The following GC variants were observed in gnomAD, a reference collection of about 807,000 sequenced individuals.
The protein encoded by GC is GC vitamin D binding protein.
A neutral mutation model predicts 56.7 loss-of-function variants in GC; 43 were observed. The observed-to-expected ratio is 0.76, with a 90% CI of 0.59 to 0.98. The LOEUF (loss-of-function observed/expected upper bound fraction) is 0.98, where lower values mean the gene tolerates loss of function less well. Among genes scored for constraint, GC ranks in the 50% least tolerant of loss-of-function variants. The pLI is 0.00. For synonymous variants in GC, 216 were observed against 202.7 expected, an observed-to-expected ratio of 1.07 and a Z score of -0.56; for missense variants, 529 against 545.9, an observed-to-expected ratio of 0.97 and a Z score of 0.31.
chr4:71,794,927 T>C (rs1320171804), intron 1 of GC, among the ~76,000 whole-genome samples: 2 of 152,202 alleles, frequency 1.3e-5, no homozygotes, highest in Non-Finnish European at 2.9e-5. Context: ...CCAGTAGTCA[T>C]TCAGGAGCAG....
At chr4:71,805,270 G>C (rs1463561474), upstream of GC, among the ~76,000 whole-genome samples, 2 of 152,166 alleles carry the variant, frequency 1.3e-5, no homozygotes, top group African/African-American at 4.8e-5. Flanking sequence ...TGAAACCCTA[G>C]CTTGAAAATT....
upstream of GC, chr4:71,784,143 C>A: frequency 7.2e-7 from 1 of 1,392,944 alleles, no homozygotes; most frequent in Non-Finnish European, 9.4e-7. Flanking sequence ...AATTATTAAT[C>A]TCAGAAGCAA....
At chr4:71,747,114 G>A (rs539928602) in intron 11 of GC, among the ~76,000 whole-genome samples, 4 of 152,234 alleles carry the variant, frequency 2.6e-5, no homozygotes, top group East Asian at 1.9e-4. Flanking sequence ...AATTTTCATC[G>A]TGGGGCAATG....
At chr4:71,756,966 T>C (rs780781211) in intron 7 of GC, 52 bp from the exon 8 acceptor site, 4 of 1,229,402 alleles carry the variant, frequency 3.3e-6, no homozygotes, top group Middle Eastern at 2.1e-4. Flanking sequence ...ATAGTCTAAT[T>C]AAAAATAAGA....
At chr4:71,746,041 TTTG>T in intron 12 of GC, 107 bp downstream of exon 12, 1 of 629,500 alleles carries the variant, frequency 1.6e-6, no homozygotes. Flanking sequence ...GTAAAATGAG[TTTG>T]AACAGATAAG....
At position 71,741,849 on chromosome 4, in the gene GC, C is replaced by T; in HGVS notation, c.*47G>A. 1 of 702,936 alleles carries T rather than the reference C, an allele frequency of 1.4e-6. No individual in the cohort carries two copies. The allele number at this position is 702,936 out of a possible 1,614,324, so 43.5% of individuals were successfully genotyped here. On this transcript the variant is annotated 3_prime_UTR_variant, in exon 13 of 13. Coordinates refer to ENST00000273951, the MANE Select transcript of GC (RefSeq NM_000583.4). ...AGGTTAGGTCATCAGAGATCATTCCCCTGGGTGGCTCCAACTCTGGTCTAT... is the reference window on the plus strand; with the variant it reads ...AGGTTAGGTCATCAGAGATCATTCCTCTGGGTGGCTCCAACTCTGGTCTAT...
chr4:71,804,116 G>A (rs965411799), upstream of GC: 1 of 643,028 alleles, frequency 1.6e-6, no homozygotes. Flanking sequence ...TATATGCCAG[G>A]TCTGTCCCAC....
intron 1 of GC, among the ~76,000 whole-genome samples, chr4:71,782,501 C>G (rs1306758936): frequency 6.6e-6 from 1 of 151,776 alleles, no homozygotes; most frequent in Non-Finnish European, 1.5e-5. Flanking sequence ...AAGTTTAGAT[C>G]TTCTAGGGGA....
chr4:71,799,661 A>G (rs1743201713), intron 1 of GC, among the ~76,000 whole-genome samples: 1 of 152,180 alleles, frequency 6.6e-6, no homozygotes, highest in Non-Finnish European at 1.5e-5. Context: ...CTACCAGCAG[A>G]CAACACCAGA....
chr4:71,763,644 CT>C (rs1742058650), intron 5 of GC, 142 bp from the exon 6 acceptor site: 1 of 763,784 alleles, frequency 1.3e-6, no homozygotes, highest in Admixed American at 2.4e-5. Flanking sequence ...ATTGATATTA[CT>C]TTTCCAGAGG....
intron 10 of GC, 72 bp downstream of exon 10, chr4:71,754,339 T>C (rs1321682691): frequency 1.4e-5 from 10 of 730,176 alleles, no homozygotes; most frequent in Non-Finnish European, 2.4e-6. Context: ...TGTTCAACTA[T>C]GCTTTCAATT....
chr4:71,774,871 C>T (rs1376888861), intron 1 of GC, among the ~76,000 whole-genome samples: 1 of 151,768 alleles, frequency 6.6e-6, no homozygotes, highest in Non-Finnish European at 1.5e-5. Context: ...TTTTTGAGTA[C>T]ATTTTGTCCA....
chr4:71,805,300 CA>C (rs1343805513), upstream of GC, among the ~76,000 whole-genome samples: 2 of 152,162 alleles, frequency 1.3e-5, no homozygotes, highest in Non-Finnish European at 2.9e-5. Flanking sequence ...TTGGAAATCC[CA>C]AGCAGGCACC....
intron 12 of GC, among the ~76,000 whole-genome samples, chr4:71,742,202 C>A (rs746183309): frequency 6.6e-6 from 1 of 152,028 alleles, no homozygotes; most frequent in African/African-American, 2.4e-5. Flanking sequence ...ATGGCCAAGG[C>A]AAAACTGTCA....
intron 4 of GC, 103 bp downstream of exon 4, chr4:71,765,329 T>G (rs1484392791): frequency 4.6e-6 from 4 of 875,412 alleles, no homozygotes; most frequent in Admixed American, 1.8e-5. Context: ...CAGAATTTGT[T>G]CAGGTTGCTG....
rs1236691664 is a variant in GC, at chr4:71,768,378, G to A, written c.184C>T (p.Gln62Ter). The A allele has an allele frequency of 1.9e-6, 3 of 1,613,416 alleles. No homozygotes were observed. Among genetic ancestry groups the A allele is most frequent in the Non-Finnish European group, 2.5e-6 (3 of 1,179,538 alleles). ...FPSGTFEQVSQLVKEVVSLTE... is the reference protein window; with the variant it reads ...FPSGTFEQVS Reference sequence around the variant, plus strand: ...AAGGAGACAACTTCCTTCACAAGTTGGCTGACCTGTTCAAACGTGCCACTG... The same window carrying A: ...AAGGAGACAACTTCCTTCACAAGTTAGCTGACCTGTTCAAACGTGCCACTG... Residue 62 changes from glutamine to a stop codon, truncating the protein, a stop_gained, in exon 3 of 13, where the codon CAA becomes TAA. Coordinates refer to ENST00000273951, the MANE Select transcript of GC (RefSeq NM_000583.4). LOFTEE classifies it high-confidence loss of function.
intron 1 of GC, among the ~76,000 whole-genome samples, chr4:71,798,299 T>C (rs917254397): frequency 1.3e-5 from 2 of 152,236 alleles, no homozygotes; most frequent in African/African-American, 4.8e-5. Flanking sequence ...GTCTACTACA[T>C]ACTGTGTTTG....
chr4:71,768,685 A>G (rs907070737), intron 2 of GC, among the ~76,000 whole-genome samples: 6 of 152,102 alleles, frequency 3.9e-5, no homozygotes, highest in Non-Finnish European at 8.8e-5. Context: ...AGGATGGTCT[A>G]GATCTCTTGA....
chr4:71,792,172 TATA>T (rs1742987139), intron 1 of GC, among the ~76,000 whole-genome samples: 3 of 152,214 alleles, frequency 2.0e-5, no homozygotes, highest in Non-Finnish European at 4.4e-5. Context: ...ATCCTTTGGG[TATA>T]TACCCAGTAA....
Sources: gnomAD v4.1 joint callset for allele counts (sites outside exome capture counted in the v4.1 genomes callset) on GRCh38, gnomAD v4.1.1 for gene constraint, MANE v1.5 for transcripts, NCBI Gene and HGNC (gene_info 2026-07-23, HGNC 2026-07-21) for gene names.